Variants in ADAM22 observed in about 807,000 individuals in gnomAD.
ADAM22 encodes ADAM metallopeptidase domain 22.
In ADAM22, 65 loss-of-function variants were observed where a neutral mutation model predicts 144.6. The ratio of observed to expected loss-of-function variants is 0.45; its 90% CI spans 0.37 to 0.55. ADAM22 has a LOEUF of 0.55. Among genes scored for constraint, ADAM22 ranks in the 20% least tolerant of loss-of-function variants. The pLI, the probability that ADAM22 is intolerant of heterozygous loss-of-function variation, is 0.00. For synonymous variants in ADAM22, 391 were observed against 412.6 expected, an observed-to-expected ratio of 0.95 and a Z score of 0.63; for missense variants, 974 against 1,184.9, an observed-to-expected ratio of 0.82 and a Z score of 2.61.
At chr7:88,029,212 T>A (rs2129469138) in intron 3 of ADAM22, among the ~76,000 whole-genome samples, 1 of 152,240 alleles carries the variant, frequency 6.6e-6, no homozygotes, top group South Asian at 2.1e-4. Flanking sequence ...GTGGTAGGCT[T>A]TGATTTCTTG....
intron 3 of ADAM22, among the ~76,000 whole-genome samples, chr7:88,027,861 G>T (rs1336092018): frequency 6.7e-6 from 1 of 148,588 alleles, no homozygotes; most frequent in Non-Finnish European, 1.5e-5. Flanking sequence ...GCATTATCTT[G>T]GCTCACTGCA....
intron 3 of ADAM22, among the ~76,000 whole-genome samples, chr7:88,017,907 A>T (rs1796913326): frequency 6.6e-6 from 1 of 151,718 alleles, no homozygotes; most frequent in Non-Finnish European, 1.5e-5. Flanking sequence ...TTTGTTTTAC[A>T]TTTTTTTTCT....
intron 2 of ADAM22, among the ~76,000 whole-genome samples, chr7:87,950,219 T>C (rs142372276): frequency 0.042 from 6,372 of 151,702 alleles, 462 homozygotes; most frequent in African/African-American, 0.15. Context: ...ACATGTGCCA[T>C]GCTGGTGTGC....
chr7:87,991,363 T>A (rs955418604), intron 3 of ADAM22, among the ~76,000 whole-genome samples: 20 of 141,446 alleles, frequency 1.4e-4, no homozygotes, highest in East Asian at 6.1e-4. Flanking sequence ...TTTTTTTTTT[T>A]TTTTTTTTTT....
At chr7:87,954,072 C>G (rs1302796469) in intron 2 of ADAM22, among the ~76,000 whole-genome samples, 3 of 152,138 alleles carry the variant, frequency 2.0e-5, no homozygotes, top group African/African-American at 7.2e-5. Flanking sequence ...ATACAGCACA[C>G]TGATGGGTCT....
At chr7:88,150,824 C>G (rs1342149521) in intron 18 of ADAM22, among the ~76,000 whole-genome samples, 157 bp from the exon 19 acceptor site, 1 of 152,186 alleles carries the variant, frequency 6.6e-6, no homozygotes, top group Non-Finnish European at 1.5e-5. Flanking sequence ...TCAAGGACAT[C>G]CACTTGCTCT....
intron 3 of ADAM22, among the ~76,000 whole-genome samples, chr7:88,034,202 G>T (rs988445741): frequency 2.0e-5 from 3 of 152,186 alleles, no homozygotes; most frequent in Non-Finnish European, 4.4e-5. Context: ...GGCATGTACT[G>T]CTTGGCTACT....
intron 2 of ADAM22, among the ~76,000 whole-genome samples, chr7:87,957,900 A>G (rs1404574008): frequency 6.6e-6 from 1 of 152,102 alleles, no homozygotes; most frequent in East Asian, 1.9e-4. Context: ...ATACTTTCAT[A>G]CATACATATA....
At chr7:87,982,299 G>T (rs1455517860) in intron 3 of ADAM22, among the ~76,000 whole-genome samples, 2 of 151,902 alleles carry the variant, frequency 1.3e-5, no homozygotes, top group African/African-American at 2.4e-5. Flanking sequence ...GAGAGTGTCT[G>T]GTGTGAGGAT....
intron 3 of ADAM22, among the ~76,000 whole-genome samples, chr7:88,032,379 C>G (rs751414715): frequency 7.2e-5 from 11 of 152,174 alleles, no homozygotes; most frequent in Non-Finnish European, 1.0e-4. Context: ...TTTGGACTTG[C>G]GTGGGGCTTG....
At chr7:87,962,637 A>G (rs908182186) in intron 2 of ADAM22, among the ~76,000 whole-genome samples, 2 of 150,674 alleles carry the variant, frequency 1.3e-5, no homozygotes, top group Non-Finnish European at 3.0e-5. Context: ...TTTTTTGAAG[A>G]TGGAATCTTG....
chr7:87,971,601 T>G (rs1850454628), intron 2 of ADAM22, among the ~76,000 whole-genome samples: 1 of 152,240 alleles, frequency 6.6e-6, no homozygotes, highest in South Asian at 2.1e-4. Flanking sequence ...ATTACGTTTT[T>G]CCAGTATCTG....
At position 87,936,616 on chromosome 7, in the gene ADAM22, T is replaced by A. The variant is rs1356144670; in HGVS notation, c.246+1430T>A. ...CTACGTATTTCTTTTTCTATTTCCT[T>A]TCCCTCTCTATATTGTATTGAAGCA... On this transcript the variant is annotated intron_variant, in intron 2 of 31. Coordinates refer to ENST00000413139, the MANE Select transcript of ADAM22 (RefSeq NM_001324418.2). Among the ~76,000 whole-genome samples the A allele has an allele frequency of 2.0e-5, 3 of 152,224 alleles. No individual in the cohort carries two copies. The East Asian group carries it at 5.8e-4, about 29-fold the overall frequency.
intron 7 of ADAM22, among the ~76,000 whole-genome samples, chr7:88,118,077 CAG>C (rs1828268282): frequency 6.6e-6 from 1 of 152,098 alleles, no homozygotes; most frequent in East Asian, 1.9e-4. Flanking sequence ...GATGAAGAAA[CAG>C]AGCTCAGCTA....
chr7:87,969,243 G>A (rs1370177521), intron 2 of ADAM22, among the ~76,000 whole-genome samples: 1 of 152,146 alleles, frequency 6.6e-6, no homozygotes, highest in African/African-American at 2.4e-5. Context: ...GTAACATATA[G>A]CGTGCCTTGT....
At chr7:88,183,194 GT>G (rs1563415635) in intron 29 of ADAM22, among the ~76,000 whole-genome samples, 2 of 152,128 alleles carry the variant, frequency 1.3e-5, no homozygotes, top group Non-Finnish European at 2.9e-5. Context: ...ATGTGTTAGA[GT>G]TTATCTTATA....
At chr7:88,168,706 A>G (rs1287220523) in intron 25 of ADAM22, among the ~76,000 whole-genome samples, 1 of 152,202 alleles carries the variant, frequency 6.6e-6, no homozygotes, top group African/African-American at 2.4e-5. Flanking sequence ...TTTGTATTCA[A>G]ATAACTAATT....
intron 2 of ADAM22, among the ~76,000 whole-genome samples, chr7:87,953,280 G>T (rs1016074404): frequency 6.6e-6 from 1 of 151,868 alleles, no homozygotes; most frequent in African/African-American, 2.4e-5. Flanking sequence ...TGGGCATTTA[G>T]TGCTATAAAT....
chr7:88,084,884 G>C (rs1363278936), intron 4 of ADAM22, among the ~76,000 whole-genome samples: 1 of 152,126 alleles, frequency 6.6e-6, no homozygotes, highest in Non-Finnish European at 1.5e-5. Flanking sequence ...ATGTTGACAG[G>C]GTTGGTTTCT....
Sources: allele counts gnomAD v4.1 joint callset (sites outside exome capture counted in the v4.1 genomes callset), GRCh38; gene constraint gnomAD v4.1.1; transcripts MANE v1.5; gene names NCBI Gene and HGNC (gene_info 2026-07-23, HGNC 2026-07-21).